The following ZFP1 variants were observed in gnomAD, a reference collection of about 807,000 sequenced individuals.
ZFP1 encodes ZFP1 zinc finger protein, also known as zinc finger protein 1 homolog.
Under a neutral mutation model 38.5 loss-of-function variants are expected in ZFP1, and 32 were observed. The ratio of observed to expected loss-of-function variants is 0.83; its 90% CI spans 0.63 to 1.12. The LOEUF (loss-of-function observed/expected upper bound fraction) is 1.12. Among genes scored for constraint, ZFP1 ranks in the 50% most tolerant of loss-of-function variants. The pLI, the probability that ZFP1 is intolerant of heterozygous loss-of-function variation, is 0.00. For missense variants in ZFP1, 616 were observed against 480.8 expected (o/e 1.28, Z -2.63); for synonymous variants, 245 against 168.8 (o/e 1.45, Z -3.50).
At chr16:75,144,874 A>G (rs117816331), upstream of ZFP1, among the ~76,000 whole-genome samples, 1,341 of 152,056 alleles carry the variant, frequency 8.8e-3, 41 homozygotes, top group Admixed American at 0.054. Flanking sequence ...TCTACTACCC[A>G]GGCTGGAGTG....
rs2038363121 is a variant in ZFP1 at position 75,170,421 on chromosome 16, G to A, written c.*87G>A. ...CTCATGACAGTATTGAGGGAACATGGGAATTCATACTGAGATGCAATCTCT... is the reference window on the plus strand; with the variant it reads ...CTCATGACAGTATTGAGGGAACATGAGAATTCATACTGAGATGCAATCTCT... On this transcript the variant is annotated 3_prime_UTR_variant, in exon 4 of 4. Transcript: ENST00000570010. The A allele has an allele frequency of 2.1e-6, 3 of 1,445,488 alleles. No homozygotes were observed. Among genetic ancestry groups the A allele is most frequent in the Non-Finnish European group, 2.7e-6 (3 of 1,096,254 alleles). The allele number at this position is 1,445,488 out of a possible 1,614,324, so 89.5% of individuals were successfully genotyped here. A position where few individuals can be genotyped will look rare whatever the true frequency, so the allele number is the denominator to read the frequency against.
intron 2 of ZFP1, among the ~76,000 whole-genome samples, chr16:75,157,512 A>G (rs769755856): frequency 8.6e-5 from 13 of 151,726 alleles, no homozygotes; most frequent in African/African-American, 1.2e-4. Context: ...CCAAAATGCT[A>G]GGATTACAGG....
At chr16:75,163,498 G>T (rs1328976002) in intron 2 of ZFP1, among the ~76,000 whole-genome samples, 5 of 151,756 alleles carry the variant, frequency 3.3e-5, no homozygotes, top group Admixed American at 3.3e-4. Context: ...TTTTAGTAGA[G>T]ACGGGGTTTC....
chr16:75,124,543 G>A, the ZFP1 span, among the ~76,000 whole-genome samples: 1 of 150,570 alleles, frequency 6.6e-6, no homozygotes, highest in Non-Finnish European at 1.5e-5. Flanking sequence ...CAGCACTTTG[G>A]GAGGCTGAGG....
chr16:75,128,530 A>T, the ZFP1 span, among the ~76,000 whole-genome samples: 1 of 152,232 alleles, frequency 6.6e-6, no homozygotes, highest in East Asian at 1.9e-4. Flanking sequence ...TCATTGTTAG[A>T]TTCTAGTCTT....
At chr16:75,151,116 C>G (rs2037183128) in intron 1 of ZFP1, among the ~76,000 whole-genome samples, 1 of 152,074 alleles carries the variant, frequency 6.6e-6, no homozygotes, top group African/African-American at 2.4e-5. Flanking sequence ...ACCTTTGCCT[C>G]CCAAAGTGCT....
chr16:75,136,003 A>G, the ZFP1 span, among the ~76,000 whole-genome samples: 1 of 152,088 alleles, frequency 6.6e-6, no homozygotes, highest in Non-Finnish European at 1.5e-5. Context: ...TTTAGTAGAG[A>G]TGGGTTTTCG....
the ZFP1 span, among the ~76,000 whole-genome samples, chr16:75,134,395 C>T: frequency 6.6e-6 from 1 of 152,022 alleles, no homozygotes. Flanking sequence ...TGAACTTGAG[C>T]CCAGGAGTTT....
intron 2 of ZFP1, among the ~76,000 whole-genome samples, chr16:75,164,631 C>T (rs971185341): frequency 1.3e-5 from 2 of 152,048 alleles, no homozygotes; most frequent in Non-Finnish European, 2.9e-5. Context: ...CATTCTAGAT[C>T]GGGGGTGTCA....
chr16:75,129,473 C>G, the ZFP1 span, among the ~76,000 whole-genome samples: 19,605 of 152,220 alleles, frequency 0.13, 1,926 homozygotes, highest in East Asian at 0.54. Flanking sequence ...GCCTCCCATT[C>G]TATTCAAAGT....
chr16:75,124,778 C>T, the ZFP1 span, among the ~76,000 whole-genome samples: 2 of 102,258 alleles, frequency 2.0e-5, no homozygotes, highest in East Asian at 3.1e-4. Context: ...CAGAGCAAGA[C>T]TCCATCTCAA....
At chr16:75,141,032 C>T in the ZFP1 span, among the ~76,000 whole-genome samples, 1 of 151,996 alleles carries the variant, frequency 6.6e-6, no homozygotes, top group African/African-American at 2.4e-5. Flanking sequence ...ATTTTGAAAC[C>T]TGGCAAGGAG....
At chr16:75,157,015 C>T (rs1405803835) in intron 2 of ZFP1, 3 of 152,192 alleles carry the variant, frequency 2.0e-5, no homozygotes, top group African/African-American at 2.4e-5. Flanking sequence ...TGTTCCAGTC[C>T]GTAACTACAA....
At chr16:75,119,545 T>C in the ZFP1 span, 1 of 152,150 alleles carries the variant, frequency 6.6e-6, no homozygotes, top group Admixed American at 6.5e-5. Flanking sequence ...GCTTCTAGGA[T>C]GGTAGAGAGC....
In ZFP1 at chr16:75,167,060, C is replaced by T. The variant is rs1409378133; in HGVS notation, c.142+164C>T. 5 of 1,327,656 alleles carry T rather than the reference C, an allele frequency of 3.8e-6. 1 individual carries two copies. The South Asian group carries it at 4.8e-5, about 13-fold the overall frequency. 82.2% of individuals were successfully genotyped at this position (1,327,656 alleles called of 1,614,324 possible). On this transcript the variant is annotated intron_variant, in intron 3 of 3. Coordinates refer to ENST00000570010, the MANE Select transcript of ZFP1 (RefSeq NM_153688.4). ...CCTTTAAAGCTCTATCATCTCCTTT[C>T]CTTTAAGGCTTCTGAAGTCCAGGCA...
chr16:75,136,934 G>C, the ZFP1 span, among the ~76,000 whole-genome samples: 1 of 152,074 alleles, frequency 6.6e-6, no homozygotes, highest in South Asian at 2.1e-4. Context: ...GCACACCTTA[G>C]TATACATACA....
the ZFP1 span, among the ~76,000 whole-genome samples, chr16:75,124,959 G>T: frequency 6.6e-6 from 1 of 151,150 alleles, no homozygotes; most frequent in Non-Finnish European, 1.5e-5. Context: ...AAAATGGCTG[G>T]TAGTTTAAGA....
At chr16:75,162,250 G>A (rs2037825509) in intron 2 of ZFP1, among the ~76,000 whole-genome samples, 1 of 151,788 alleles carries the variant, frequency 6.6e-6, no homozygotes, top group African/African-American at 2.4e-5. Flanking sequence ...AGCCCCCTAT[G>A]TAGCTGGGAC....
At chr16:75,141,742 T>TAA in the ZFP1 span, among the ~76,000 whole-genome samples, 3 of 144,412 alleles carry the variant, frequency 2.1e-5, no homozygotes, top group Admixed American at 1.4e-4. Context: ...CAAATTAATT[T>TAA]AAAAAAAAAA....
Sources: allele counts gnomAD v4.1 joint callset (sites outside exome capture counted in the v4.1 genomes callset), GRCh38; gene constraint gnomAD v4.1.1; transcripts MANE v1.5; gene names NCBI Gene and HGNC (gene_info 2026-07-23, HGNC 2026-07-21).